SLC35D3: variants seen among roughly 807,000 people sequenced by gnomAD.
SLC35D3 encodes frc, fringe-like 1.
Under a neutral mutation model 20.3 loss-of-function variants are expected in SLC35D3, and 18 were observed. The observed-to-expected ratio is 0.89, with a 90% CI of 0.61 to 1.32. SLC35D3 has a LOEUF of 1.32. Among genes scored for constraint, SLC35D3 ranks in the 40% most tolerant of loss-of-function variants. The pLI is 0.00. For missense variants in SLC35D3, 556 were observed against 565.5 expected (o/e 0.98, Z 0.17); for synonymous variants, 313 against 263.5 (o/e 1.19, Z -1.82).
rs1431940931 is a variant in SLC35D3, at chr6:136,924,077, C to A, written c.632C>A (p.Ser211Tyr). ...LVICSFASTD[S>Y]IHAWTFPGWK... is the part of the protein sequence containing the mutation. ...ATCTGCTCCTTCGCCAGCACCGACT[C>A]CATCCACGCCTGGACCTTCCCGGGC... Residue 211 changes from serine (S) to tyrosine (Y), a missense_variant, in exon 2 of 2, where the codon TCC becomes TAC. Coordinates refer to ENST00000331858, the MANE Select transcript of SLC35D3 (RefSeq NM_001008783.3). The A allele has an allele frequency of 3.7e-6, 6 of 1,611,816 alleles. No individual in the cohort carries two copies. The highest frequency in any genetic ancestry group is 5.1e-6 in the Non-Finnish European group (6 of 1,179,656).
chr6:136,923,799 C>T lies in SLC35D3; in HGVS notation c.440-86C>T, dbSNP rs1175590137. ...CTCCTTTCCTACCCGACGCGTTTTCCCCGTGGGTCCCCGCCCACGCCAACC... is the reference window on the plus strand; with the variant it reads ...CTCCTTTCCTACCCGACGCGTTTTCTCCGTGGGTCCCCGCCCACGCCAACC... On this transcript the variant is annotated intron_variant, in intron 1 of 1. Coordinates refer to ENST00000331858, the MANE Select transcript of SLC35D3 (RefSeq NM_001008783.3). This position sits in a 1 kb window ranked among gnomAD's most constrained non-coding sequence, Gnocchi z 6.2. 7.5e-7 allele frequency: 1 copy of T among 1,330,750 alleles called. No homozygotes were observed. Among genetic ancestry groups the T allele is most frequent in the Non-Finnish European group, 1.0e-6 (1 of 1,002,292 alleles). 82.4% of individuals were successfully genotyped at this position (1,330,750 alleles called of 1,614,324 possible).
chr6:136,924,207 C>G lies in SLC35D3; in HGVS notation c.762C>G (p.Thr254=). Reference sequence around the variant, plus strand: ...GCACCTACATCAATTCGGCCGTGACCACCAGCTTCGTGGGTGTGGTGAAGA... The same window carrying G: ...GCACCTACATCAATTCGGCCGTGACGACCAGCTTCGTGGGTGTGGTGAAGA... ...LHCTYINSAV[T]TSFVGVVKSI... Residue 254 remains threonine, a synonymous_variant, in exon 2 of 2, where the codon ACC becomes ACG. Transcript: ENST00000331858. 6.2e-7 allele frequency: 1 copy of G among 1,613,886 alleles called. No homozygotes were observed. Among genetic ancestry groups the G allele is most frequent in the Non-Finnish European group, 8.5e-7 (1 of 1,180,036 alleles).
rs551625874 is a variant in SLC35D3, at chr6:136,924,616, G to C, written c.1171G>C (p.Glu391Gln). The change falls in exon 2 of 2, where the codon GAG (glutamate) becomes CAG (glutamine). Residue 391 changes from glutamate (E) to glutamine (Q), a missense_variant. Physicochemically the swap from Glu to Gln is conservative, Grantham distance 29. Coordinates refer to ENST00000331858, the MANE Select transcript of SLC35D3 (RefSeq NM_001008783.3). Reference protein sequence around the residue: ...SRRSLKDAYLEVWRLVRGTRY... With the variant: ...SRRSLKDAYLQVWRLVRGTRY... ...GAGGTCGTTAAAAGATGCTTACCTC[G>C]AGGTATGGAGGTTGGTTAGGGGAAC... 6.2e-7 allele frequency: 1 copy of C among 1,614,120 alleles called. No homozygotes were observed. Among genetic ancestry groups the C allele is most frequent in the South Asian group, 1.1e-5 (1 of 91,082 alleles).
Position 136,923,914 on chromosome 6 carries a change from G to T in SLC35D3, c.469G>T (p.Gly157Trp). The T allele has an allele frequency of 1.3e-6, 2 of 1,527,828 alleles. No homozygotes were observed. Among genetic ancestry groups the T allele is most frequent in the East Asian group, 2.4e-5 (1 of 40,914 alleles). 94.6% of individuals were successfully genotyped at this position (1,527,828 alleles called of 1,614,324 possible). ...CGGCGACCTGACGGGCGACCCCATC[G>T]GGTACGTCACGGGAGTGCTGGCGGT... Reference protein sequence around the residue: ...GAGDLTGDPIGYVTGVLAVLV... With the variant: ...GAGDLTGDPIWYVTGVLAVLV... The change falls in exon 2 of 2, where the codon GGG (glycine) becomes TGG (tryptophan). Residue 157 changes from glycine (G) to tryptophan (W), a missense_variant. By Grantham distance (184) the Gly-to-Trp change is radical. Coordinates refer to ENST00000331858, the MANE Select transcript of SLC35D3 (RefSeq NM_001008783.3). This position sits in a 1 kb window ranked among gnomAD's most constrained non-coding sequence, Gnocchi z 6.2.
In SLC35D3 at chr6:136,923,858, C is replaced by A. The variant is rs1395341116; in HGVS notation, c.440-27C>A. 3 of 1,483,226 alleles carry A rather than the reference C, an allele frequency of 2.0e-6. No homozygotes were observed. Among genetic ancestry groups the A allele is most frequent in the Non-Finnish European group, 9.0e-7 (1 of 1,116,762 alleles). 91.9% of individuals were successfully genotyped at this position (1,483,226 alleles called of 1,614,324 possible). The stretch of plus-strand genomic sequence containing the variant: ...TCTCTCTTTTTCCTTCCCGCCCGGG[C>A]TCGGCCGTCCTCCTCGTGCGCCGCA... On this transcript the variant is annotated intron_variant, in intron 1 of 1. Coordinates refer to ENST00000331858, the MANE Select transcript of SLC35D3 (RefSeq NM_001008783.3). The surrounding 1 kb of genome is among the most constrained non-coding windows in gnomAD (Gnocchi z 6.2).
chr6:136,922,614 C>T lies in SLC35D3; in HGVS notation c.186C>T (p.Leu62=), dbSNP rs200227753. 8 of 1,611,210 alleles carry T rather than the reference C, an allele frequency of 5.0e-6. No individual in the cohort carries two copies. The highest frequency in any genetic ancestry group is 2.7e-5 in the African/African-American group (2 of 75,030). The stretch of plus-strand genomic sequence containing the variant: ...TGAGCCTGGAGCTGCTGCGGCGCCT[C>T]GGGCTCATCGCCGTGCCCCCCTTCG... ...AALSLELLRR[L]GLIAVPPFGL... Residue 62 remains leucine, a synonymous_variant, in exon 1 of 2, where the codon CTC becomes CTT. Transcript: ENST00000331858. This position sits in a 1 kb window ranked among gnomAD's most constrained non-coding sequence, Gnocchi z 6.8.
chr6:136,924,480 G>C lies in SLC35D3; in HGVS notation c.1035G>C (p.Arg345=). 1 of 1,613,670 alleles carries C rather than the reference G, an allele frequency of 6.2e-7. No homozygotes were observed. The highest frequency in any genetic ancestry group is 8.5e-7 in the Non-Finnish European group (1 of 1,179,862). Reference sequence around the variant, plus strand: ...TGCCCGGGGAGGGAGGAAATGGCCGGTCAGAAGGTGGGGAGGCAGCAGGTG... The same window carrying C: ...TGCCCGGGGAGGGAGGAAATGGCCGCTCAGAAGGTGGGGAGGCAGCAGGTG... ...EELPGEGGNG[R]SEGGEAAGGP... Residue 345 remains arginine (R), a synonymous_variant, in exon 2 of 2, where the codon CGG becomes CGC. Transcript: ENST00000331858.
Position 136,922,595 on chromosome 6 carries a change from T to C in SLC35D3, c.167T>C (p.Leu56Pro). The C allele has an allele frequency of 2.5e-6, 4 of 1,612,078 alleles. No homozygotes were observed. Among genetic ancestry groups the C allele is most frequent in the Non-Finnish European group, 3.4e-6 (4 of 1,179,688 alleles). ...ACCAGCTCCACCGCGGCGCTGAGCC[T>C]GGAGCTGCTGCGGCGCCTCGGGCTC... The part of the protein sequence containing the change: ...CLTSSTAALS[L>P]ELLRRLGLIA... The change falls in exon 1 of 2, where the codon CTG (leucine) becomes CCG (proline). Residue 56 changes from leucine to proline, a missense_variant. Coordinates refer to ENST00000331858, the MANE Select transcript of SLC35D3 (RefSeq NM_001008783.3). This position sits in a 1 kb window ranked among gnomAD's most constrained non-coding sequence, Gnocchi z 6.8.
chr6:136,924,901 A>G lies in SLC35D3; in HGVS notation c.*205A>G. ...TGACTTCACCTGAGGCATCACAGAG[A>G]CAAAAGAATGTGAAGCTACTTAACA... On this transcript the variant is annotated 3_prime_UTR_variant, in exon 2 of 2. Coordinates refer to ENST00000331858, the MANE Select transcript of SLC35D3 (RefSeq NM_001008783.3). 1 of 510,238 alleles carries G rather than the reference A, an allele frequency of 2.0e-6. No homozygotes were observed. The highest frequency in any genetic ancestry group is 3.3e-6 in the Non-Finnish European group (1 of 298,526). 31.6% of individuals were successfully genotyped at this position (510,238 alleles called of 1,614,324 possible). A position where few individuals can be genotyped will look rare whatever the true frequency, so the allele number is the denominator to read the frequency against.
Position 136,923,213 on chromosome 6 carries a change from G to A in SLC35D3, c.439+346G>A, listed in dbSNP as rs866042524. Among the ~76,000 whole-genome samples the A allele has an allele frequency of 1.1e-4, 17 of 152,314 alleles. No individual in the cohort carries two copies. The highest frequency in any genetic ancestry group is 3.6e-4 in the African/African-American group (15 of 41,570). On this transcript the variant is annotated intron_variant, in intron 1 of 1. Transcript: ENST00000331858. This position sits in a 1 kb window ranked among gnomAD's most constrained non-coding sequence, Gnocchi z 6.2. Reference sequence around the variant, plus strand: ...GAGGGCCGCCTGAGCCTGGGAGCTGGAGTCCTCCAAGCCTGGACCAAGCCG... The same window carrying A: ...GAGGGCCGCCTGAGCCTGGGAGCTGAAGTCCTCCAAGCCTGGACCAAGCCG...
At position 136,923,937 on chromosome 6, in the gene SLC35D3, G is replaced by A. The variant is rs890595391; in HGVS notation, c.492G>A (p.Ala164=). 6.5e-7 allele frequency: 1 copy of A among 1,544,772 alleles called. No homozygotes were observed. The highest frequency in any genetic ancestry group is 8.7e-7 in the Non-Finnish European group (1 of 1,148,896). The stretch of plus-strand genomic sequence containing the variant: ...TCGGGTACGTCACGGGAGTGCTGGC[G>A]GTGCTGGTGCACGCTGCCTACCTGG... ...DPIGYVTGVL[A]VLVHAAYLVL... Residue 164 remains alanine, a synonymous_variant, in exon 2 of 2, where the codon GCG becomes GCA. Transcript: ENST00000331858. The surrounding 1 kb of genome is among the most constrained non-coding windows in gnomAD (Gnocchi z 6.2).
Position 136,924,796 on chromosome 6 carries a change from T to G in SLC35D3, c.*100T>G, listed in dbSNP as rs912189856. The G allele has an allele frequency of 3.3e-6, 4 of 1,199,418 alleles. No individual in the cohort carries two copies. Among genetic ancestry groups the G allele is most frequent in the East Asian group, 5.1e-5 (2 of 39,464 alleles). 74.3% of individuals were successfully genotyped at this position (1,199,418 alleles called of 1,614,324 possible). A position where few individuals can be genotyped will look rare whatever the true frequency, so the allele number is the denominator to read the frequency against. ...CCTCCCCGTTTTATTCTTTGAGGAGTGGGGAAGGGAAGAAAAGAAAGAAGC... is the reference window on the plus strand; with the variant it reads ...CCTCCCCGTTTTATTCTTTGAGGAGGGGGGAAGGGAAGAAAAGAAAGAAGC... On this transcript the variant is annotated 3_prime_UTR_variant, in exon 2 of 2. Transcript: ENST00000331858.
chr6:136,922,863 G>T lies in SLC35D3; in HGVS notation c.435G>T (p.Leu145=), dbSNP rs1315453882. 8 of 1,533,966 alleles carry T rather than the reference G, an allele frequency of 5.2e-6. No individual in the cohort carries two copies. Among genetic ancestry groups the T allele is most frequent in the Non-Finnish European group, 7.0e-6 (8 of 1,144,236 alleles). ...AVLITTCGAA[L]AGAGDLTGDP... is the part of the protein sequence containing the mutation. ...TCATCACCACCTGCGGCGCCGCCCTGGCAGGTGAGCGGGCCCCCGCGCCGA... is the reference window on the plus strand; with the variant it reads ...TCATCACCACCTGCGGCGCCGCCCTTGCAGGTGAGCGGGCCCCCGCGCCGA... Residue 145 remains leucine, a synonymous_variant, in exon 1 of 2, where the codon CTG becomes CTT. Transcript: ENST00000331858. This position sits in a 1 kb window ranked among gnomAD's most constrained non-coding sequence, Gnocchi z 6.8.
rs965336508 is a variant in SLC35D3, at chr6:136,924,811, A to G, written c.*115A>G. On this transcript the variant is annotated 3_prime_UTR_variant, in exon 2 of 2. Coordinates refer to ENST00000331858, the MANE Select transcript of SLC35D3 (RefSeq NM_001008783.3). ...CTTTGAGGAGTGGGGAAGGGAAGAA[A>G]AGAAAGAAGCTGAAAGGTACTGACA... 4.8e-5 allele frequency: 53 copies of G among 1,110,048 alleles called. No homozygotes were observed. The highest frequency in any genetic ancestry group is 7.9e-5 in the African/African-American group (5 of 63,606). The allele number at this position is 1,110,048 out of a possible 1,614,324, so 68.8% of individuals were successfully genotyped here. A position where few individuals can be genotyped will look rare whatever the true frequency, so the allele number is the denominator to read the frequency against.
In SLC35D3 at chr6:136,922,644, G is replaced by T; in HGVS notation, c.216G>T (p.Leu72=). ...LGLIAVPPFG[L]SLARSFAGVA... ...TCATCGCCGTGCCCCCCTTCGGTCT[G>T]AGCCTGGCGCGCTCCTTCGCGGGGG... The change falls in exon 1 of 2, where the codon CTG becomes CTT. Residue 72 remains leucine (L), a synonymous_variant. Transcript: ENST00000331858. The surrounding 1 kb of genome is among the most constrained non-coding windows in gnomAD (Gnocchi z 6.8). 1 of 1,609,392 alleles carries T rather than the reference G, an allele frequency of 6.2e-7. No homozygotes were observed. Among genetic ancestry groups the T allele is most frequent in the Non-Finnish European group, 8.5e-7 (1 of 1,179,382 alleles).
In SLC35D3 at chr6:136,922,892, C is replaced by G; in HGVS notation, c.439+25C>G. 6.7e-7 allele frequency: 1 copy of G among 1,502,176 alleles called. No individual in the cohort carries two copies. Among genetic ancestry groups the G allele is most frequent in the South Asian group, 1.3e-5 (1 of 76,578 alleles). The allele number at this position is 1,502,176 out of a possible 1,614,324, so 93.1% of individuals were successfully genotyped here. ...GGTGAGCGGGCCCCCGCGCCGACCCCCAGCCGACCCCACCCACCCCGCTCC... is the reference window on the plus strand; with the variant it reads ...GGTGAGCGGGCCCCCGCGCCGACCCGCAGCCGACCCCACCCACCCCGCTCC... On this transcript the variant is annotated intron_variant, in intron 1 of 1. Coordinates refer to ENST00000331858, the MANE Select transcript of SLC35D3 (RefSeq NM_001008783.3). This position sits in a 1 kb window ranked among gnomAD's most constrained non-coding sequence, Gnocchi z 6.8.
At position 136,924,520 on chromosome 6, in the gene SLC35D3, AG is replaced by A. The variant is rs1181821473; in HGVS notation, c.1076del (p.Ser359ThrfsTer27). The A allele has an allele frequency of 1.4e-5, 23 of 1,613,178 alleles. No individual in the cohort carries two copies. Among genetic ancestry groups the A allele is most frequent in the Middle Eastern group, 1.8e-4 (1 of 5,696 alleles). On this transcript the variant is annotated frameshift_variant, in exon 2 of 2. Transcript: ENST00000331858. LOFTEE classifies it high-confidence loss of function. ...GEAAGGPAQE[S>X]RQEVRGSPRG... Reference sequence around the variant, plus strand: ...GGCAGCAGGTGGCCCCGCTCAGGAGAGCAGGCAAGAGGTCAGGGGCAGCCCC... The same window carrying A: ...GGCAGCAGGTGGCCCCGCTCAGGAGACAGGCAAGAGGTCAGGGGCAGCCCC...
At position 136,924,329 on chromosome 6, in the gene SLC35D3, T is replaced by TG; in HGVS notation, c.884_885insG (p.Ile295MetfsTer84). On this transcript the variant is annotated frameshift_variant, in exon 2 of 2. Transcript: ENST00000331858. LOFTEE classifies it high-confidence loss of function. ...GTGGTGGTGAACACCCTGGGCTCTA[T>TG]CATTTACTGTGTGGCCAAGTTCATG... The TG allele has an allele frequency of 6.2e-7, 1 of 1,614,150 alleles. No homozygotes were observed.
In SLC35D3 at chr6:136,924,739, A is replaced by G; in HGVS notation, c.*43A>G. 6.6e-7 allele frequency: 1 copy of G among 1,515,012 alleles called. No individual in the cohort carries two copies. The highest frequency in any genetic ancestry group is 8.9e-7 in the Non-Finnish European group (1 of 1,125,676). 93.8% of individuals were successfully genotyped at this position (1,515,012 alleles called of 1,614,324 possible). A position where few individuals can be genotyped will look rare whatever the true frequency, so the allele number is the denominator to read the frequency against. ...GTACCTATGTGCATACACTTATTTT[A>G]TATGTTAGAAATGACGTGTTTTAAT... On this transcript the variant is annotated 3_prime_UTR_variant, in exon 2 of 2. Transcript: ENST00000331858.
Sources: allele counts gnomAD v4.1 joint callset (sites outside exome capture counted in the v4.1 genomes callset), GRCh38; gene constraint gnomAD v4.1.1; non-coding constraint Gnocchi (gnomAD v3.1); transcripts MANE v1.5; gene names NCBI Gene and HGNC (gene_info 2026-07-23, HGNC 2026-07-21).